The following CACNA1E variants were observed in gnomAD, a reference collection of about 807,000 sequenced individuals.
CACNA1E encodes the protein voltage-dependent R-type calcium channel subunit alpha-1E.
Under a neutral mutation model 259.2 loss-of-function variants are expected in CACNA1E, and 40 were observed. That is an observed-to-expected ratio of 0.15 (90% CI 0.12 to 0.20). The LOEUF is 0.20. Among genes scored for constraint, CACNA1E ranks in the 10% least tolerant of loss-of-function variants. The pLI, the probability that CACNA1E is intolerant of heterozygous loss-of-function variation, is 1.00. For missense variants in CACNA1E, 1,874 were observed against 3,040.1 expected, an observed-to-expected ratio of 0.62 and a Z score of 9.02; for synonymous variants, 1,104 against 1,138.5, an observed-to-expected ratio of 0.97 and a Z score of 0.61.
At chr1:181,766,418 G>T in intron 34 of CACNA1E, 128 bp from the exon 35 acceptor site, 1 of 689,620 alleles carries the variant, frequency 1.5e-6, no homozygotes, top group Non-Finnish European at 2.7e-6. Flanking sequence ...CAACCCCAGG[G>T]AATAGGGAGT....
chr1:181,751,985 G>GT, intron 26 of CACNA1E, 158 bp from the exon 27 acceptor site: 1 of 706,344 alleles, frequency 1.4e-6, no homozygotes, highest in Non-Finnish European at 2.6e-6. Flanking sequence ...TTCGCAGGAT[G>GT]TCCCTGGAGT....
Position 181,798,851 on chromosome 1 carries a change from C to A in CACNA1E, c.*17C>A. 1 of 1,494,326 alleles carries A rather than the reference C, an allele frequency of 6.7e-7. No homozygotes were observed. 92.6% of individuals were successfully genotyped at this position (1,494,326 alleles called of 1,614,324 possible). Reference sequence around the variant, plus strand: ...AAATGCTAGAGGCTGCTCCCCCCTCCGATGCATGCTCTTCTCTCACATGGA... The same window carrying A: ...AAATGCTAGAGGCTGCTCCCCCCTCAGATGCATGCTCTTCTCTCACATGGA... On this transcript the variant is annotated 3_prime_UTR_variant, in exon 48 of 48. Coordinates refer to ENST00000367573, the MANE Select transcript of CACNA1E (RefSeq NM_001205293.3). This position sits in a 1 kb window ranked among gnomAD's most constrained non-coding sequence, Gnocchi z 4.2.
At chr1:181,471,097 C>T (rs1355361660) in intron 2 of CACNA1E, among the ~76,000 whole-genome samples, 1 of 152,190 alleles carries the variant, frequency 6.6e-6, no homozygotes, top group Non-Finnish European at 1.5e-5. Context: ...GCAGTATCCT[C>T]ACATGGCAGA....
At position 181,757,932 on chromosome 1, in the gene CACNA1E, A is replaced by G. The variant is rs552763316; in HGVS notation, c.4330-15A>G. 3.1e-6 allele frequency: 5 copies of G among 1,613,418 alleles called. No individual in the cohort carries two copies. The African/African-American group carries it at 4.0e-5, about 13-fold the overall frequency. ...GGGATTTGAATTTGTGCTAATAACC[A>G]TGACTTTCTTGCAGAGGGCGTGCAT... On this transcript the variant is annotated splice_polypyrimidine_tract_variant and intron_variant, in intron 30 of 47. Transcript: ENST00000367573.
intron 3 of CACNA1E, among the ~76,000 whole-genome samples, chr1:181,525,489 T>C (rs1220102822): frequency 6.6e-6 from 1 of 152,216 alleles, no homozygotes. Context: ...CTCTTCAAGA[T>C]AGCAAAGCCT....
chr1:181,771,405 C>T (rs765012049), intron 36 of CACNA1E, 21 bp downstream of exon 36: 5 of 1,334,608 alleles, frequency 3.7e-6, no homozygotes, highest in Non-Finnish European at 3.2e-6. Context: ...GCGTAACTGT[C>T]ATAGCTGGGG....
chr1:181,352,235 T>C (rs1437356758), intron 1 of CACNA1E, among the ~76,000 whole-genome samples: 1 of 152,144 alleles, frequency 6.6e-6, no homozygotes, highest in Non-Finnish European at 1.5e-5. Flanking sequence ...GGCCTTTCAG[T>C]AGCATTGACT....
chr1:181,405,756 C>G (rs1244935462), intron 1 of CACNA1E, among the ~76,000 whole-genome samples: 2 of 152,162 alleles, frequency 1.3e-5, no homozygotes, highest in African/African-American at 2.4e-5. Context: ...TGAATTCTGG[C>G]TAATGGAATG....
At chr1:181,509,305 TG>T (rs965149607) in intron 1 of CACNA1E, among the ~76,000 whole-genome samples, 4 of 152,104 alleles carry the variant, frequency 2.6e-5, no homozygotes, top group African/African-American at 9.7e-5. Flanking sequence ...CCTGGCAGGA[TG>T]GGGGCATTGC....
chr1:181,517,750 G>A (rs556322213), intron 3 of CACNA1E, among the ~76,000 whole-genome samples: 1 of 152,106 alleles, frequency 6.6e-6, no homozygotes, highest in Non-Finnish European at 1.5e-5. Flanking sequence ...GTAGGAGGAT[G>A]CTATCTAGAG....
intron 6 of CACNA1E, among the ~76,000 whole-genome samples, chr1:181,595,514 C>T (rs1346615752): frequency 6.6e-6 from 1 of 152,198 alleles, no homozygotes; most frequent in Non-Finnish European, 1.5e-5. Context: ...GTGTTTTCAG[C>T]AGGCCTGTAT....
chr1:181,550,519 G>C (rs963300937), intron 3 of CACNA1E, among the ~76,000 whole-genome samples: 4 of 152,102 alleles, frequency 2.6e-5, no homozygotes, highest in African/African-American at 9.7e-5. Flanking sequence ...GGAAAATATG[G>C]AGGGCCTGGG....
chr1:181,344,263 C>T (rs895232363), intron 1 of CACNA1E, among the ~76,000 whole-genome samples: 9 of 152,168 alleles, frequency 5.9e-5, no homozygotes, highest in Non-Finnish European at 1.2e-4. Context: ...ACTCTCTTTC[C>T]ACTAACACTG....
chr1:181,413,741 C>T (rs981420238), intron 2 of CACNA1E, among the ~76,000 whole-genome samples: 3 of 152,214 alleles, frequency 2.0e-5, no homozygotes, highest in African/African-American at 7.2e-5. Context: ...ATGAGGTCCT[C>T]GTGGTCAGTC....
At chr1:181,419,193 T>G (rs1658520644) in intron 2 of CACNA1E, among the ~76,000 whole-genome samples, 1 of 141,296 alleles carries the variant, frequency 7.1e-6, no homozygotes, top group Non-Finnish European at 1.6e-5. Flanking sequence ...GCTCAGTGCA[T>G]GATTTCCATC....
chr1:181,464,470 T>C (rs1423339916), intron 2 of CACNA1E, among the ~76,000 whole-genome samples: 6 of 152,064 alleles, frequency 3.9e-5, no homozygotes, highest in South Asian at 2.1e-4. Context: ...TATGGTTTTG[T>C]TGCTTTTGCA....
chr1:181,567,590 C>T (rs2102919325), intron 3 of CACNA1E, among the ~76,000 whole-genome samples: 1 of 152,294 alleles, frequency 6.6e-6, no homozygotes, highest in African/African-American at 2.4e-5. Context: ...TGGAGGGCAG[C>T]AAGATGTTGT....
intron 1 of CACNA1E, among the ~76,000 whole-genome samples, chr1:181,405,900 G>A (rs1272183906): frequency 1.3e-5 from 2 of 152,178 alleles, no homozygotes; most frequent in South Asian, 2.1e-4. Flanking sequence ...CCCAGGGCTT[G>A]GGTGTTAGCA....
chr1:181,322,642 T>A (rs1368776766), intron 1 of CACNA1E, among the ~76,000 whole-genome samples: 1 of 152,168 alleles, frequency 6.6e-6, no homozygotes, highest in Non-Finnish European at 1.5e-5. Flanking sequence ...ATGCATGGAC[T>A]TGGGGGTAAC....
Sources: allele counts gnomAD v4.1 joint callset (sites outside exome capture counted in the v4.1 genomes callset), GRCh38; gene constraint gnomAD v4.1.1; non-coding constraint Gnocchi (gnomAD v3.1); transcripts MANE v1.5; gene names NCBI Gene and HGNC (gene_info 2026-07-23, HGNC 2026-07-21).